C10orf143: variants seen among roughly 807,000 people sequenced by gnomAD.
The protein encoded by C10orf143 is uncharacterized protein C10orf143.
At chr10:130,092,803 TC>T (rs1311872233) in intron 1 of C10orf143, among the ~76,000 whole-genome samples, 3 of 150,568 alleles carry the variant, frequency 2.0e-5, no homozygotes, top group African/African-American at 7.4e-5. Flanking sequence ...CCAATGAAGA[TC>T]AAAAAAAAGA....
At chr10:130,093,357 T>A (rs903151981) in intron 1 of C10orf143, among the ~76,000 whole-genome samples, 4 of 152,144 alleles carry the variant, frequency 2.6e-5, no homozygotes, top group African/African-American at 9.7e-5. Context: ...ATAAGTTCTT[T>A]GAAATCAATG....
chr10:130,039,948 G>A, intron 3 of C10orf143, among the ~76,000 whole-genome samples: 1 of 152,194 alleles, frequency 6.6e-6, no homozygotes, highest in Middle Eastern at 3.2e-3. Flanking sequence ...ATAAGAAACT[G>A]GCCAGCCTGG....
chr10:130,084,378 T>C (rs897054718), intron 1 of C10orf143, among the ~76,000 whole-genome samples: 1 of 152,172 alleles, frequency 6.6e-6, no homozygotes, highest in Admixed American at 6.5e-5. Context: ...CAAAAAGCAC[T>C]GTATAGAAAT....
At chr10:130,085,908 C>T (rs1861284446) in intron 1 of C10orf143, among the ~76,000 whole-genome samples, 1 of 152,122 alleles carries the variant, frequency 6.6e-6, no homozygotes. Context: ...ATAAACAAAA[C>T]CCCTTGTGTA....
intron 4 of C10orf143, among the ~76,000 whole-genome samples, chr10:130,035,601 G>A (rs1860536469): frequency 6.6e-6 from 1 of 152,214 alleles, no homozygotes; most frequent in Admixed American, 6.5e-5. Flanking sequence ...CTGCTTACTC[G>A]GTGCCCTCAC....
At chr10:130,037,271 A>G (rs962622234) in intron 3 of C10orf143, among the ~76,000 whole-genome samples, 1 of 152,188 alleles carries the variant, frequency 6.6e-6, no homozygotes, top group South Asian at 2.1e-4. Context: ...GTTACATGTC[A>G]AAGAACACTT....
At chr10:130,037,066 A>G (rs1331431995) in intron 3 of C10orf143, among the ~76,000 whole-genome samples, 3 of 152,134 alleles carry the variant, frequency 2.0e-5, no homozygotes, top group Non-Finnish European at 4.4e-5. Flanking sequence ...TACAAGCAGA[A>G]TTGGACTATT....
At chr10:130,091,597 G>A (rs1287220299) in intron 1 of C10orf143, among the ~76,000 whole-genome samples, 6 of 152,186 alleles carry the variant, frequency 3.9e-5, no homozygotes, top group Admixed American at 3.9e-4. Flanking sequence ...GGCTTCAGAA[G>A]ATGGGTAATA....
chr10:130,094,384 G>C (rs1309249932), intron 1 of C10orf143, among the ~76,000 whole-genome samples: 1 of 152,166 alleles, frequency 6.6e-6, no homozygotes, highest in Non-Finnish European at 1.5e-5. Flanking sequence ...TATGAGGCCA[G>C]CATCATTCTG....
At chr10:130,088,319 G>A (rs1861325531) in intron 1 of C10orf143, among the ~76,000 whole-genome samples, 1 of 152,178 alleles carries the variant, frequency 6.6e-6, no homozygotes, top group African/African-American at 2.4e-5. Context: ...GGGAGGCAGA[G>A]GTTGTAGTGA....
At chr10:130,049,242 C>CA (rs554835835) in intron 3 of C10orf143, among the ~76,000 whole-genome samples, 24 of 152,292 alleles carry the variant, frequency 1.6e-4, no homozygotes, top group African/African-American at 5.8e-4. Context: ...GGAAATCATC[C>CA]AGTGGCGATC....
At chr10:130,071,473 C>G (rs1861031788) in intron 3 of C10orf143, among the ~76,000 whole-genome samples, 1 of 152,212 alleles carries the variant, frequency 6.6e-6, no homozygotes, top group Admixed American at 6.5e-5. Context: ...AGGTCATATA[C>G]TTTGCCCATT....
chr10:130,077,548 G>A (rs1431106416), intron 3 of C10orf143, among the ~76,000 whole-genome samples: 2 of 152,322 alleles, frequency 1.3e-5, no homozygotes, highest in African/African-American at 2.4e-5. Context: ...AGCTGCCTAC[G>A]GGCATCATGG....
chr10:130,068,241 G>A (rs1337118734), intron 3 of C10orf143: 3 of 152,182 alleles, frequency 2.0e-5, no homozygotes, highest in Admixed American at 6.5e-5. Flanking sequence ...GACCTGGAAG[G>A]GCAAACAGAA....
intron 1 of C10orf143, among the ~76,000 whole-genome samples, chr10:130,099,346 G>A (rs1405412062): frequency 6.6e-6 from 1 of 152,054 alleles, no homozygotes; most frequent in African/African-American, 2.4e-5. Context: ...AGAAGGAGAA[G>A]AGTGACCACA....
intron 3 of C10orf143, among the ~76,000 whole-genome samples, chr10:130,036,359 C>G (rs919762216): frequency 6.6e-6 from 1 of 152,192 alleles, no homozygotes; most frequent in Non-Finnish European, 1.5e-5. Context: ...ACCTCAGGCC[C>G]TCCTGTCATA....
At chr10:130,081,663 A>G (rs1861211654) in intron 1 of C10orf143, among the ~76,000 whole-genome samples, 1 of 151,574 alleles carries the variant, frequency 6.6e-6, no homozygotes, top group Admixed American at 6.6e-5. Context: ...ACAAAAAAAC[A>G]GAAAGGCACT....
chr10:130,102,072 A>G (rs978034614), intron 1 of C10orf143, among the ~76,000 whole-genome samples: 4 of 151,998 alleles, frequency 2.6e-5, no homozygotes, highest in Non-Finnish European at 4.4e-5. Flanking sequence ...GTTTGAGACC[A>G]GCCTGGACAA....
chr10:130,088,630 C>G (rs1219090136), intron 1 of C10orf143, among the ~76,000 whole-genome samples: 1 of 152,060 alleles, frequency 6.6e-6, no homozygotes, highest in Non-Finnish European at 1.5e-5. Context: ...TTCTTTGGTT[C>G]AGTTTAGTTC....
Sources: allele counts gnomAD v4.1 joint callset (sites outside exome capture counted in the v4.1 genomes callset), GRCh38; gene constraint gnomAD v4.1.1; transcripts MANE v1.5; gene names NCBI Gene and HGNC (gene_info 2026-07-23, HGNC 2026-07-21).